The following DALRD3 variants were observed in gnomAD, a reference collection of about 807,000 sequenced individuals.
DALRD3 encodes DALR anticodon binding domain containing 3.
DALRD3 carries 47 observed loss-of-function variants against 56.7 expected under a neutral mutation model. The observed-to-expected ratio is 0.83, with a 90% CI of 0.66 to 1.06. The LOEUF is 1.06. DALRD3 is among the 50% of genes least tolerant of loss of function. The pLI is 0.00. For missense variants in DALRD3, 787 were observed against 724.0 expected, an observed-to-expected ratio of 1.09 and a Z score of -1.00; for synonymous variants, 347 against 308.5, an observed-to-expected ratio of 1.12 and a Z score of -1.31.
At position 49,016,671 on chromosome 3, in the gene DALRD3, A is replaced by G; in HGVS notation, c.1004T>C (p.Phe335Ser). ...TLMTAPEYYE[F>S]RHTQVCKASA... ...GGCCTTGCACACCTGGGTATGCCGG[A>G]ACCTGTGTTTGGAAGAGAGGAAGGC... The change falls in exon 7 of 12, where the codon TTC (phenylalanine) becomes TCC (serine). Residue 335 changes from phenylalanine (F) to serine (S), a missense_variant and splice_region_variant. Transcript: ENST00000341949. 5.6e-6 allele frequency: 9 copies of G among 1,604,104 alleles called. No individual in the cohort carries two copies. Among genetic ancestry groups the G allele is most frequent in the Non-Finnish European group, 7.7e-6 (9 of 1,173,650 alleles).
intron 5 of DALRD3, 136 bp downstream of exon 5, chr3:49,017,092 G>A: frequency 8.0e-7 from 1 of 1,246,770 alleles, no homozygotes; most frequent in Non-Finnish European, 1.1e-6. Context: ...TGCTGTACAT[G>A]CCCTCTCAAG....
chr3:49,015,644 C>T lies in DALRD3; in HGVS notation c.1576G>A (p.Glu526Lys). ...VRLQLLRAVR[E>K]VLHTGLAMLG... ...ATAGCCAGGCCAGTATGGAGCACCT[C>T]ACGCACAGCTCTCAGAAGCTGCAGG... Residue 526 changes from glutamate (E) to lysine (K), a missense_variant, in exon 12 of 12, where the codon GAG (glutamate) becomes AAG (lysine). Coordinates refer to ENST00000341949, the MANE Select transcript of DALRD3 (RefSeq NM_001009996.3). 1.2e-6 allele frequency: 2 copies of T among 1,614,158 alleles called. No individual in the cohort carries two copies. The highest frequency in any genetic ancestry group is 1.7e-6 in the Non-Finnish European group (2 of 1,180,026).
upstream of DALRD3, chr3:49,021,233 G>C (rs2093153470): frequency 6.6e-6 from 1 of 152,478 alleles, no homozygotes; most frequent in African/African-American, 2.4e-5. The surrounding 1 kb of genome is among the most constrained non-coding windows in gnomAD (Gnocchi z 4.1). Flanking sequence ...CCGGCCCCGC[G>C]GGTAGCGAAA....
At position 49,016,170 on chromosome 3, in the gene DALRD3, C is replaced by CTGTG. The variant is rs768579748; in HGVS notation, c.1316_1317insCACA (p.Leu440ThrfsTer4). On this transcript the variant is annotated frameshift_variant, in exon 9 of 12. Coordinates refer to ENST00000341949, the MANE Select transcript of DALRD3 (RefSeq NM_001009996.3). LOFTEE classifies it high-confidence loss of function. ...GAGGGACACTCACCTCATCATGTAG[C>CTGTG]AGTGAGAAGTCCAGACTGCTCACAG... is the stretch of plus-strand genomic sequence containing the variant. 1 of 1,614,040 alleles carries CTGTG rather than the reference C, an allele frequency of 6.2e-7. No homozygotes were observed. Among genetic ancestry groups the CTGTG allele is most frequent in the Non-Finnish European group, 8.5e-7 (1 of 1,179,922 alleles).
chr3:49,016,244 C>G lies in DALRD3; in HGVS notation c.1243G>C (p.Glu415Gln), dbSNP rs1368737607. 5 of 1,614,036 alleles carry G rather than the reference C, an allele frequency of 3.1e-6. No individual in the cohort carries two copies. The highest frequency in any genetic ancestry group is 3.4e-6 in the Non-Finnish European group (4 of 1,180,024). Reference sequence around the variant, plus strand: ...TGTTCCATACTACACTTGTAACTCTCAAAGAGTGTGGCAAGACGGGCACAA... The same window carrying G: ...TGTTCCATACTACACTTGTAACTCTGAAAGAGTGTGGCAAGACGGGCACAA... ...YNCARLATLF[E>Q]SYKCSMEQGL... The change falls in exon 9 of 12, where the codon GAG becomes CAG. Residue 415 changes from glutamate to glutamine, a missense_variant. Coordinates refer to ENST00000341949, the MANE Select transcript of DALRD3 (RefSeq NM_001009996.3).
At position 49,016,373 on chromosome 3, in the gene DALRD3, A is replaced by G. The variant is rs772332861; in HGVS notation, c.1147-33T>C. 5.0e-6 allele frequency: 8 copies of G among 1,603,380 alleles called. No homozygotes were observed. In the South Asian group the frequency reaches 7.8e-5, roughly 16 times the overall value. On this transcript the variant is annotated intron_variant, in intron 8 of 11. Coordinates refer to ENST00000341949, the MANE Select transcript of DALRD3 (RefSeq NM_001009996.3). Reference sequence around the variant, plus strand: ...ATAGAAGCACAGCTGCAGAGAGAGAAGGCAGCCACCACACCCTGTGCCCCA... The same window carrying G: ...ATAGAAGCACAGCTGCAGAGAGAGAGGGCAGCCACCACACCCTGTGCCCCA...
chr3:49,017,108 C>A, intron 5 of DALRD3, 120 bp downstream of exon 5: 1 of 1,433,092 alleles, frequency 7.0e-7, no homozygotes, highest in Non-Finnish European at 9.6e-7. Flanking sequence ...TCAAGTCCAG[C>A]AACTCCCCCA....
chr3:49,018,881 A>G, upstream of DALRD3: 2 of 985,436 alleles, frequency 2.0e-6, no homozygotes, highest in Non-Finnish European at 2.4e-6. Flanking sequence ...GTCTCTTCTC[A>G]TCGAAGTCTC....
chr3:49,018,093 C>T lies in DALRD3; in HGVS notation c.391G>A (p.Ala131Thr), dbSNP rs771557967. 1 of 1,487,432 alleles carries T rather than the reference C, an allele frequency of 6.7e-7. No individual in the cohort carries two copies. Among genetic ancestry groups the T allele is most frequent in the South Asian group, 1.4e-5 (1 of 72,682 alleles). 92.1% of individuals were successfully genotyped at this position (1,487,432 alleles called of 1,614,324 possible). The change falls in exon 2 of 12, where the codon GCA becomes ACA. Residue 131 changes from alanine to threonine, a missense_variant. Ala to Thr is a moderately conservative substitution (Grantham distance 58). Transcript: ENST00000341949. The stretch of plus-strand genomic sequence containing the variant: ...GTACGCAGCTGGCTCAAGCGGAGTG[C>T]GCAGGGGGAGCTGCGCAGTGCTGGG... ...HCPALRSSPCALRLSQLRTVL... is the reference protein window; with the variant it reads ...HCPALRSSPCTLRLSQLRTVL...
rs537170249 is a variant in DALRD3, at chr3:49,018,578, A to C, written c.-14T>G. The stretch of plus-strand genomic sequence containing the variant: ...CCTGGTCGCCATGGTGACCGGAAGG[A>C]GTAAGCGGAACCGGAAAAAAATTTA... On this transcript the variant is annotated 5_prime_UTR_variant, in exon 1 of 12. Coordinates refer to ENST00000341949, the MANE Select transcript of DALRD3 (RefSeq NM_001009996.3). 2.2e-5 allele frequency: 34 copies of C among 1,545,188 alleles called. No homozygotes were observed. The highest frequency in any genetic ancestry group is 1.1e-4 in the South Asian group (9 of 82,964).
Position 49,016,841 on chromosome 3 carries a change from G to A in DALRD3, c.934C>T (p.Leu312Phe), listed in dbSNP as rs1332329459. Residue 312 changes from leucine to phenylalanine, a missense_variant, in exon 6 of 12, where the codon CTC (leucine) becomes TTC (phenylalanine). Transcript: ENST00000341949. ...GCTACTTTCACAGGGCCACAGATGA[G>A]GTGCTTCTGTCAGAAAGATGTCAGG... ...VDKAPLRQKH[L>F]ICGPVKVAGA... The A allele has an allele frequency of 6.2e-7, 1 of 1,614,206 alleles. No homozygotes were observed. Among genetic ancestry groups the A allele is most frequent in the Admixed American group, 1.7e-5 (1 of 60,020 alleles).
At chr3:49,020,097 C>G, upstream of DALRD3, 2 of 531,358 alleles carry the variant, frequency 3.8e-6, no homozygotes, top group South Asian at 2.8e-5. Context: ...GCAGGAAAAG[C>G]TTGGCAAGGC....
upstream of DALRD3, chr3:49,020,670 A>T (rs775934682): frequency 6.1e-6 from 3 of 493,284 alleles, no homozygotes; most frequent in Non-Finnish European, 1.3e-5. Context: ...CTCTGGAGAC[A>T]ACAGCTGCTT....
chr3:49,018,242 G>T lies in DALRD3; in HGVS notation c.242C>A (p.Thr81Asn). Residue 81 changes from threonine (T) to asparagine (N), a missense_variant, in exon 2 of 12, where the codon ACC becomes AAC. Thr to Asn is a moderately conservative substitution (Grantham distance 65). Transcript: ENST00000341949. ...CAGTTGGAGAGACAGACCCGCGGGG[G>T]TCGGCGCGCAGCGCAGCACCGGGGC... ...GVAPVLRCAP[T>N]PAGLSLQLQR... 17 of 1,437,776 alleles carry T rather than the reference G, an allele frequency of 1.2e-5. No homozygotes were observed. The highest frequency in any genetic ancestry group is 1.4e-5 in the Non-Finnish European group (16 of 1,104,176). 89.1% of individuals were successfully genotyped at this position (1,437,776 alleles called of 1,614,324 possible).
rs181725203 is a variant in DALRD3, at chr3:49,018,076, C to G, written c.408G>C (p.Gln136His). ...RSSPCALRLSQLRTVLVADHL... is the reference protein window; with the variant it reads ...RSSPCALRLSHLRTVLVADHL... ...GATCGGCCACGAGCACCGTACGCAG[C>G]TGGCTCAAGCGGAGTGCGCAGGGGG... Residue 136 changes from glutamine (Q) to histidine (H), a missense_variant, in exon 2 of 12, where the codon CAG becomes CAC. Coordinates refer to ENST00000341949, the MANE Select transcript of DALRD3 (RefSeq NM_001009996.3). The G allele has an allele frequency of 4.0e-6, 6 of 1,490,952 alleles. No homozygotes were observed. The South Asian group carries it at 6.8e-5, about 17-fold the overall frequency. The allele number at this position is 1,490,952 out of a possible 1,614,324, so 92.4% of individuals were successfully genotyped here. A position where few individuals can be genotyped will look rare whatever the true frequency, so the allele number is the denominator to read the frequency against.
At chr3:49,018,946 C>T (rs2093127374), upstream of DALRD3, 1 of 985,454 alleles carries the variant, frequency 1.0e-6, no homozygotes, top group Non-Finnish European at 1.2e-6. Context: ...GATGAATATT[C>T]GTCACTGGAA....
upstream of DALRD3, among the ~76,000 whole-genome samples, chr3:49,019,527 T>G (rs1009283221): frequency 2.0e-5 from 3 of 151,426 alleles, no homozygotes; most frequent in Non-Finnish European, 2.9e-5. Flanking sequence ...TTGCCCAGGC[T>G]GGAGTACAGT....
upstream of DALRD3, chr3:49,021,167 G>T (rs1284796773): frequency 2.0e-5 from 3 of 153,038 alleles, no homozygotes; most frequent in East Asian, 3.9e-4. This position sits in a 1 kb window ranked among gnomAD's most constrained non-coding sequence, Gnocchi z 4.1. Context: ...AACCCATTGC[G>T]ACCGGCCCCA....
chr3:49,018,571 C>G lies in DALRD3; in HGVS notation c.-7G>C, dbSNP rs536287180. On this transcript the variant is annotated 5_prime_UTR_variant, in exon 1 of 12. Transcript: ENST00000341949. ...CAAGGCGCCTGGTCGCCATGGTGAC[C>G]GGAAGGAGTAAGCGGAACCGGAAAA... is the stretch of plus-strand genomic sequence containing the variant. 1 of 1,564,476 alleles carries G rather than the reference C, an allele frequency of 6.4e-7. No individual in the cohort carries two copies. Among genetic ancestry groups the G allele is most frequent in the Admixed American group, 1.9e-5 (1 of 51,694 alleles).
Sources: allele counts gnomAD v4.1 joint callset (sites outside exome capture counted in the v4.1 genomes callset), GRCh38; gene constraint gnomAD v4.1.1; non-coding constraint Gnocchi (gnomAD v3.1); transcripts MANE v1.5; gene names NCBI Gene and HGNC (gene_info 2026-07-23, HGNC 2026-07-21).